The following RANBP2 variants were observed in gnomAD, a reference collection of about 807,000 sequenced individuals.
The protein encoded by RANBP2 is RAN binding protein 2, also known as E3 SUMO-protein ligase RanBP2.
In RANBP2, 57 loss-of-function variants were observed where a neutral mutation model predicts 303.6. The observed-to-expected ratio is 0.19, with a 90% CI of 0.15 to 0.23. RANBP2 has a LOEUF of 0.23. RANBP2 is among the 10% of genes least tolerant of loss of function. The pLI is 1.00. For synonymous variants in RANBP2, 1,167 were observed against 1,301.5 expected, an observed-to-expected ratio of 0.90 and a Z score of 2.23; for missense variants, 3,138 against 3,780.8, an observed-to-expected ratio of 0.83 and a Z score of 4.46.
chr2:109,080,647 T>C, the RANBP2 span, among the ~76,000 whole-genome samples: 2 of 152,190 alleles, frequency 1.3e-5, no homozygotes, highest in Non-Finnish European at 2.9e-5. Context: ...TCAAGAACTA[T>C]TCTTGGGTAT....
At chr2:109,696,444 T>A in the RANBP2 span, among the ~76,000 whole-genome samples, 1 of 152,242 alleles carries the variant, frequency 6.6e-6, no homozygotes, top group East Asian at 1.9e-4. Flanking sequence ...TTGTGTCACC[T>A]TGGCATAATT....
At chr2:109,052,765 G>T in the RANBP2 span, among the ~76,000 whole-genome samples, 1 of 152,156 alleles carries the variant, frequency 6.6e-6, no homozygotes, top group Non-Finnish European at 1.5e-5. Context: ...CTCCCAAAGT[G>T]CTGGGATTAC....
the RANBP2 span, among the ~76,000 whole-genome samples, chr2:109,713,813 T>G: frequency 2.6e-5 from 4 of 152,244 alleles, no homozygotes; most frequent in Admixed American, 2.6e-4. Context: ...ATTGATCGAA[T>G]GATCGAAAGC....
chr2:108,861,785 C>T, the RANBP2 span, among the ~76,000 whole-genome samples: 8 of 151,986 alleles, frequency 5.3e-5, no homozygotes, highest in Non-Finnish European at 4.4e-5. Context: ...CCGGCCTAAA[C>T]CTCGGCCTCC....
the RANBP2 span, among the ~76,000 whole-genome samples, chr2:109,734,588 ATCTCT>A: frequency 1.3e-5 from 2 of 152,162 alleles, no homozygotes; most frequent in South Asian, 2.1e-4. Context: ...ATTCAATAAA[ATCTCT>A]TCTAAAATTC....
At chr2:109,153,944 A>G in the RANBP2 span, among the ~76,000 whole-genome samples, 2 of 152,216 alleles carry the variant, frequency 1.3e-5, no homozygotes, top group Non-Finnish European at 2.9e-5. Flanking sequence ...TAAAATTATT[A>G]AGAATTTCAT....
chr2:109,689,268 A>T, the RANBP2 span, among the ~76,000 whole-genome samples: 4 of 152,192 alleles, frequency 2.6e-5, no homozygotes, highest in Non-Finnish European at 5.9e-5. Flanking sequence ...AGTTAGGAAC[A>T]GCCCTGGGAG....
the RANBP2 span, among the ~76,000 whole-genome samples, chr2:109,406,425 T>C: frequency 0.57 from 86,162 of 151,876 alleles, 25,042 homozygotes; most frequent in African/African-American, 0.67. Context: ...AGAGCAGCTA[T>C]ATCACGTAAT....
chr2:109,325,331 CTTTTTTTTTTT>C, the RANBP2 span, among the ~76,000 whole-genome samples: 18 of 66,260 alleles, frequency 2.7e-4, no homozygotes, highest in African/African-American at 1.1e-3. Context: ...TTCTTTCTTT[CTTTTTTTTTTT>C]TTTTTTTTTT....
At chr2:109,524,469 A>AAAAAAAAACAAC in the RANBP2 span, among the ~76,000 whole-genome samples, 2 of 80,844 alleles carry the variant, frequency 2.5e-5, no homozygotes, top group African/African-American at 8.9e-5. Flanking sequence ...AAAAAAAACA[A>AAAAAAAAACAAC]AACAACACTG....
chr2:108,865,314 A>ACTTAAGTGTGTACATGTGGGAG, the RANBP2 span, among the ~76,000 whole-genome samples: 1 of 152,162 alleles, frequency 6.6e-6, no homozygotes, highest in African/African-American at 2.4e-5. Flanking sequence ...CGTATACAAA[A>ACTTAAGTGTGTACATGTGGGAG]CTTAAGTGTG....
At chr2:109,433,464 G>C in the RANBP2 span, among the ~76,000 whole-genome samples, 17 of 152,232 alleles carry the variant, frequency 1.1e-4, no homozygotes, top group Non-Finnish European at 2.1e-4. Flanking sequence ...CCACAGCTTG[G>C]TGATATCAGT....
the RANBP2 span, chr2:108,910,589 C>G: frequency 6.7e-7 from 1 of 1,491,772 alleles, no homozygotes; most frequent in Non-Finnish European, 9.3e-7. Flanking sequence ...CATGGCTCTG[C>G]GCTCAGCCCA....
chr2:109,072,506 G>T, the RANBP2 span, among the ~76,000 whole-genome samples: 1 of 152,184 alleles, frequency 6.6e-6, no homozygotes, highest in African/African-American at 2.4e-5. Flanking sequence ...AGAAAGAGTT[G>T]ACTACCTGTC....
At chr2:109,244,396 A>G in the RANBP2 span, among the ~76,000 whole-genome samples, 1 of 152,206 alleles carries the variant, frequency 6.6e-6, no homozygotes, top group Admixed American at 6.5e-5. Flanking sequence ...GAAAGTAAAT[A>G]CTATATTCAG....
chr2:108,858,116 G>A, the RANBP2 span, among the ~76,000 whole-genome samples: 1 of 152,172 alleles, frequency 6.6e-6, no homozygotes, highest in South Asian at 2.1e-4. Context: ...GGCCGAGGCG[G>A]GCAGATCACT....
chr2:109,104,536 T>C, the RANBP2 span, among the ~76,000 whole-genome samples: 1 of 150,964 alleles, frequency 6.6e-6, no homozygotes. Context: ...CAGGCTGGAG[T>C]GCAGTGGCGC....
the RANBP2 span, among the ~76,000 whole-genome samples, chr2:109,270,575 C>G: frequency 6.6e-6 from 1 of 152,298 alleles, no homozygotes; most frequent in African/African-American, 2.4e-5. Context: ...GTGGCCGTTT[C>G]AGGTCAAAGC....
chr2:109,475,951 C>T, the RANBP2 span, among the ~76,000 whole-genome samples: 2 of 152,190 alleles, frequency 1.3e-5, no homozygotes, highest in Non-Finnish European at 2.9e-5. Context: ...CCAAAAACTT[C>T]CTGTGGTGAA....
Sources: allele counts gnomAD v4.1 joint callset (sites outside exome capture counted in the v4.1 genomes callset), GRCh38; gene constraint gnomAD v4.1.1; transcripts MANE v1.5; gene names NCBI Gene and HGNC (gene_info 2026-07-23, HGNC 2026-07-21).